The following RADIL variants were observed in gnomAD, a reference collection of about 807,000 sequenced individuals.
RADIL encodes the protein Rap associating with DIL domain.
RADIL carries 99 observed loss-of-function variants against 97.6 expected under a neutral mutation model. That is an observed-to-expected ratio of 1.01 (90% CI 0.86 to 1.20). The LOEUF (loss-of-function observed/expected upper bound fraction) is 1.20, where lower values mean the gene tolerates loss of function less well. Ranked by LOEUF, RADIL falls within the 50% of genes most tolerant of loss-of-function variation. RADIL has a pLI of 0.00. For missense variants in RADIL, 1,765 were observed against 1,498.9 expected (o/e 1.18, Z -2.93); for synonymous variants, 803 against 691.8 (o/e 1.16, Z -2.52).
rs1348488142 is a variant in RADIL, at chr7:4,837,407, C to A, written c.536-802G>T. 6.6e-6 allele frequency among the ~76,000 whole-genome samples: 1 copy of A among 152,180 alleles called. No individual in the cohort carries two copies. The highest frequency in any genetic ancestry group is 6.5e-5 in the Admixed American group (1 of 15,276). On this transcript the variant is annotated intron_variant, in intron 2 of 14. Coordinates refer to ENST00000399583, the MANE Select transcript of RADIL (RefSeq NM_018059.5). The surrounding 1 kb of genome is among the most constrained non-coding windows in gnomAD (Gnocchi z 5.6). ...GAGACGGACTGGTCAGCATCCTGCCCCTACTTTACAAGGAGGAGGTGTCAC... is the reference window on the plus strand; with the variant it reads ...GAGACGGACTGGTCAGCATCCTGCCACTACTTTACAAGGAGGAGGTGTCAC...
intron 2 of RADIL, among the ~76,000 whole-genome samples, chr7:4,846,688 G>A (rs1044883126): frequency 6.6e-6 from 1 of 151,778 alleles, no homozygotes; most frequent in Non-Finnish European, 1.5e-5. Flanking sequence ...TGGGATTACA[G>A]GTGTGTGCCA....
chr7:4,848,742 C>T (rs889803133), intron 2 of RADIL, among the ~76,000 whole-genome samples: 5 of 151,870 alleles, frequency 3.3e-5, no homozygotes, highest in African/African-American at 4.8e-5. Context: ...TTTGGAGAGG[C>T]GGGTGGTGAA....
chr7:4,805,405 GGGGC>G (rs149563760), intron 10 of RADIL, 157 bp downstream of exon 10: 103,261 of 824,512 alleles, frequency 0.13, 7,191 homozygotes, highest in South Asian at 0.23. Context: ...GGGATGGGGC[GGGGC>G]GGGGGGGTCC....
At position 4,805,669 on chromosome 7, in the gene RADIL, T is replaced by A. The variant is rs1184708483; in HGVS notation, c.2187A>T (p.Ala729=). 3.1e-6 allele frequency: 5 copies of A among 1,611,776 alleles called. No homozygotes were observed. The highest frequency in any genetic ancestry group is 4.2e-6 in the Non-Finnish European group (5 of 1,179,880). The change falls in exon 10 of 15, where the codon GCA becomes GCT. Residue 729 remains alanine, a synonymous_variant. Transcript: ENST00000399583. ...AGTGAGTCAGCAGCCGGTGCAGCTGTGCTGGGCTCAGTGCGGGGAACGCAG... is the reference window on the plus strand; with the variant it reads ...AGTGAGTCAGCAGCCGGTGCAGCTGAGCTGGGCTCAGTGCGGGGAACGCAG... ...LRAAFPALSP[A]QLHRLLTHYQ...
chr7:4,809,217 GC>G, intron 9 of RADIL: 8 of 985,332 alleles, frequency 8.1e-6, no homozygotes, highest in Non-Finnish European at 9.6e-6. Context: ...ACTCGGGCCT[GC>G]CCATCTCCCG....
At chr7:4,861,579 G>C (rs745969911) in intron 2 of RADIL, 1 of 1,613,658 alleles carries the variant, frequency 6.2e-7, no homozygotes, top group Non-Finnish European at 8.5e-7. Context: ...CTGATTTCGC[G>C]TATCCATTCC....
intron 10 of RADIL, 44 bp downstream of exon 10, chr7:4,805,522 C>A: frequency 6.6e-7 from 1 of 1,518,434 alleles, no homozygotes; most frequent in Non-Finnish European, 8.9e-7. Flanking sequence ...GGGCGAGTCT[C>A]CCACTGAGTC....
intron 5 of RADIL, among the ~76,000 whole-genome samples, chr7:4,827,478 A>G (rs570822742): frequency 2.5e-4 from 37 of 148,180 alleles, no homozygotes; most frequent in African/African-American, 5.0e-4. Flanking sequence ...TGGCTAACAC[A>G]GTGAAACCCC....
chr7:4,832,877 G>A lies in RADIL; in HGVS notation c.1417-699C>T, dbSNP rs373521641. On this transcript the variant is annotated intron_variant, in intron 4 of 14. Transcript: ENST00000399583. ...TAAGGAATGAGGACGGGGCAGCGGC[G>A]ACACAGTTGCACATTCTCAGGAAAC... Among the ~76,000 whole-genome samples the A allele has an allele frequency of 3.1e-3, 468 of 152,224 alleles. 2 individuals carry two copies. Among genetic ancestry groups the A allele is most frequent in the African/African-American group, 0.01 (419 of 41,534 alleles).
intron 2 of RADIL, among the ~76,000 whole-genome samples, chr7:4,874,376 C>T (rs529002598): frequency 3.9e-5 from 6 of 152,358 alleles, no homozygotes; most frequent in Non-Finnish European, 8.8e-5. Context: ...GTGGGGACCC[C>T]CTGGGTCTAG....
chr7:4,876,487 T>C (rs749663915), intron 2 of RADIL, among the ~76,000 whole-genome samples: 1 of 151,686 alleles, frequency 6.6e-6, no homozygotes, highest in African/African-American at 2.4e-5. Flanking sequence ...TTTTAGTAGA[T>C]ACGGGGTTTC....
At chr7:4,839,468 C>G (rs1016735260) in intron 2 of RADIL, among the ~76,000 whole-genome samples, 1 of 152,106 alleles carries the variant, frequency 6.6e-6, no homozygotes, top group Non-Finnish European at 1.5e-5. Context: ...AGTGCGTTTA[C>G]CACATGGCGG....
chr7:4,807,978 CCTCTCTCCCTGT>C (rs1188294666), intron 9 of RADIL, among the ~76,000 whole-genome samples: 4 of 61,126 alleles, frequency 6.5e-5, no homozygotes, highest in Middle Eastern at 0.011. Context: ...CTCCCTCCTC[CCTCTCTCCCTGT>C]CTCTCTCCCC....
rs1188894926 is a variant in RADIL, at chr7:4,821,481, T to C, written c.1615+913A>G. 6.6e-6 allele frequency among the ~76,000 whole-genome samples: 1 copy of C among 152,206 alleles called. No homozygotes were observed. The highest frequency in any genetic ancestry group is 1.5e-5 in the Non-Finnish European group (1 of 68,026). ...ACCCCGGCTTCCGGGCCCGGCCCCA[T>C]GCCACCTTCCTCTCGAAGCCCCCTA... On this transcript the variant is annotated intron_variant, in intron 6 of 14. Transcript: ENST00000399583. This position sits in a 1 kb window ranked among gnomAD's most constrained non-coding sequence, Gnocchi z 5.2.
chr7:4,799,749 G>T lies in RADIL; in HGVS notation c.3003C>A (p.Pro1001=). ...IDGMHTHLGA[P]GLYIQTLLPG... is the part of the protein sequence containing the mutation. Reference sequence around the variant, plus strand: ...GGAGCAGGGTCTGGATGTAGAGCCCGGGGGCGCCCAGGTGCGTGTGCTGGG... The same window carrying T: ...GGAGCAGGGTCTGGATGTAGAGCCCTGGGGCGCCCAGGTGCGTGTGCTGGG... Residue 1001 remains proline, a synonymous_variant, in exon 14 of 15, where the codon CCC becomes CCA. Transcript: ENST00000399583. 6.5e-7 allele frequency: 1 copy of T among 1,546,822 alleles called. No homozygotes were observed. Among genetic ancestry groups the T allele is most frequent in the Non-Finnish European group, 8.7e-7 (1 of 1,151,282 alleles).
chr7:4,804,050 T>C (rs1419825328), intron 10 of RADIL: 1 of 446,328 alleles, frequency 2.2e-6, no homozygotes, highest in African/African-American at 2.0e-5. Context: ...TGGGCCTGTC[T>C]CTGCCCCACT....
chr7:4,834,569 C>A lies in RADIL; in HGVS notation c.1416+38G>T, dbSNP rs766331555. On this transcript the variant is annotated intron_variant, in intron 4 of 14. Coordinates refer to ENST00000399583, the MANE Select transcript of RADIL (RefSeq NM_018059.5). The surrounding 1 kb of genome is among the most constrained non-coding windows in gnomAD (Gnocchi z 6.0). ...CTCCGGGCCCCCTCTTCCCCCAGAC[C>A]GGCACAGGACCCAGACCGCCCACCC... The A allele has an allele frequency of 2.3e-6, 3 of 1,306,626 alleles. No individual in the cohort carries two copies. The highest frequency in any genetic ancestry group is 2.8e-5 in the East Asian group (1 of 35,120). 80.9% of individuals were successfully genotyped at this position (1,306,626 alleles called of 1,614,324 possible). A position where few individuals can be genotyped will look rare whatever the true frequency, so the allele number is the denominator to read the frequency against.
intron 2 of RADIL, among the ~76,000 whole-genome samples, chr7:4,839,188 C>G (rs187069303): frequency 6.6e-6 from 1 of 152,114 alleles, no homozygotes; most frequent in Non-Finnish European, 1.5e-5. Flanking sequence ...CCTAAAACAC[C>G]GCTGTATATA....
chr7:4,872,257 T>A lies in RADIL; in HGVS notation c.535+5348A>T, dbSNP rs1259417525. Among the ~76,000 whole-genome samples the A allele has an allele frequency of 1.3e-5, 2 of 152,158 alleles. No individual in the cohort carries two copies. Among genetic ancestry groups the A allele is most frequent in the African/African-American group, 4.8e-5 (2 of 41,432 alleles). ...CCATGTCTGCAGACATCTTTGGTTG[T>A]TACAACTTGGGGGTGGGGGCACAGG... On this transcript the variant is annotated intron_variant, in intron 2 of 14. Transcript: ENST00000399583. The surrounding 1 kb of genome is among the most constrained non-coding windows in gnomAD (Gnocchi z 5.8).
Sources: gnomAD v4.1 joint callset for allele counts (sites outside exome capture counted in the v4.1 genomes callset) on GRCh38, gnomAD v4.1.1 for gene constraint, Gnocchi (gnomAD v3.1) non-coding constraint, MANE v1.5 for transcripts, NCBI Gene and HGNC (gene_info 2026-07-23, HGNC 2026-07-21) for gene names.